The following FRMD6 variants were observed in gnomAD, a reference collection of about 807,000 sequenced individuals.
FRMD6 encodes FERM domain-containing protein 6.
FRMD6 carries 37 observed loss-of-function variants against 73.2 expected under a neutral mutation model. That is an observed-to-expected ratio of 0.51 (90% CI 0.39 to 0.66). FRMD6 has a LOEUF of 0.66. Ranked by LOEUF, FRMD6 falls within the 30% of genes least tolerant of loss-of-function variation. FRMD6 has a pLI of 0.00. For missense variants in FRMD6, 714 were observed against 780.5 expected (o/e 0.91, Z 1.02); for synonymous variants, 273 against 282.2 (o/e 0.97, Z 0.33).
chr14:51,464,344 T>C, the FRMD6 span, among the ~76,000 whole-genome samples: 1 of 151,256 alleles, frequency 6.6e-6, no homozygotes. Context: ...CATTTACCTA[T>C]GTAAGAAACC....
At chr14:51,533,948 C>G (rs1885741549) in intron 1 of FRMD6, among the ~76,000 whole-genome samples, 1 of 152,134 alleles carries the variant, frequency 6.6e-6, no homozygotes, top group Admixed American at 6.5e-5. Context: ...TATAGTAAGA[C>G]CAATAGGAAG....
the FRMD6 span, among the ~76,000 whole-genome samples, chr14:51,470,510 A>AAC: frequency 9.7e-4 from 101 of 103,766 alleles, no homozygotes; most frequent in African/African-American, 3.0e-3. Context: ...AAAAAAAACC[A>AAC]AAAAAAAACC....
chr14:51,417,297 T>C, the FRMD6 span, among the ~76,000 whole-genome samples: 1 of 152,354 alleles, frequency 6.6e-6, no homozygotes, highest in Non-Finnish European at 1.5e-5. Context: ...GTACCGGTTG[T>C]TCCTTTCCAT....
the FRMD6 span, among the ~76,000 whole-genome samples, chr14:51,423,952 C>G: frequency 6.6e-6 from 1 of 152,080 alleles, no homozygotes; most frequent in Non-Finnish European, 1.5e-5. Flanking sequence ...ATGTCTACAA[C>G]CTTGAGAAAG....
chr14:51,598,462 G>C (rs944527843), intron 2 of FRMD6, among the ~76,000 whole-genome samples: 1 of 152,128 alleles, frequency 6.6e-6, no homozygotes, highest in Admixed American at 6.5e-5. Flanking sequence ...TTGTTAAGTA[G>C]GCATATTGTG....
chr14:51,631,421 T>C (rs1017916499), intron 2 of FRMD6, among the ~76,000 whole-genome samples: 1 of 152,212 alleles, frequency 6.6e-6, no homozygotes, highest in African/African-American at 2.4e-5. Context: ...TAAATGTTTA[T>C]ATGGTCATCG....
intron 2 of FRMD6, among the ~76,000 whole-genome samples, chr14:51,619,409 G>A (rs1256170863): frequency 6.6e-6 from 1 of 151,666 alleles, no homozygotes; most frequent in African/African-American, 2.4e-5. Flanking sequence ...AGGAAAAGAA[G>A]AAGAAAGGTC....
At chr14:51,706,677 C>T (rs1044120499) in intron 6 of FRMD6, among the ~76,000 whole-genome samples, 9 of 151,998 alleles carry the variant, frequency 5.9e-5, no homozygotes, top group Admixed American at 4.6e-4. Flanking sequence ...GCCCAGGTGT[C>T]GCTCCTTCTG....
intron 9 of FRMD6, 134 bp downstream of exon 9, chr14:51,712,685 CTG>C: frequency 1.6e-6 from 1 of 639,906 alleles, no homozygotes; most frequent in South Asian, 2.0e-5. Flanking sequence ...GAAGTTGACA[CTG>C]AAGATAATTT....
intron 2 of FRMD6, among the ~76,000 whole-genome samples, chr14:51,646,439 C>T (rs1487571991): frequency 6.6e-6 from 1 of 151,304 alleles, no homozygotes; most frequent in Non-Finnish European, 1.5e-5. Flanking sequence ...ATAATCAGAG[C>T]GTGCCTGAGA....
chr14:51,562,942 G>A (rs1220211503), intron 1 of FRMD6, among the ~76,000 whole-genome samples: 1 of 152,210 alleles, frequency 6.6e-6, no homozygotes, highest in Non-Finnish European at 1.5e-5. Context: ...CAACGTCTGG[G>A]ACCTCAGCTA....
intron 2 of FRMD6, among the ~76,000 whole-genome samples, chr14:51,592,953 T>A (rs1889479309): frequency 6.6e-6 from 1 of 152,226 alleles, no homozygotes; most frequent in African/African-American, 2.4e-5. Context: ...TAGCACCTAT[T>A]TTTAAGGCTT....
At chr14:51,691,530 A>G (rs896601683) in intron 2 of FRMD6, among the ~76,000 whole-genome samples, 4 of 150,778 alleles carry the variant, frequency 2.7e-5, no homozygotes, top group African/African-American at 9.7e-5. Flanking sequence ...GCCTTAGTGC[A>G]TGACTTGAAT....
intron 1 of FRMD6, among the ~76,000 whole-genome samples, chr14:51,563,205 C>T (rs761615959): frequency 6.6e-6 from 1 of 152,222 alleles, no homozygotes; most frequent in Non-Finnish European, 1.5e-5. Flanking sequence ...TAGCCTCATA[C>T]AGCATCATTT....
the FRMD6 span, chr14:51,436,548 A>C: frequency 1.5e-6 from 1 of 665,582 alleles, no homozygotes; most frequent in Non-Finnish European, 2.6e-6. Flanking sequence ...CACTGAAATC[A>C]AATGGAAATC....
At chr14:51,679,247 G>A (rs1281545004) in intron 1 of FRMD6, among the ~76,000 whole-genome samples, 1 of 151,456 alleles carries the variant, frequency 6.6e-6, no homozygotes, top group Non-Finnish European at 1.5e-5. Context: ...AAAAAGGCTA[G>A]ACAAAAGGAA....
At chr14:51,411,342 C>G in the FRMD6 span, among the ~76,000 whole-genome samples, 1 of 152,074 alleles carries the variant, frequency 6.6e-6, no homozygotes, top group African/African-American at 2.4e-5. Flanking sequence ...GGGGAATATT[C>G]ACCAAAAAAG....
intron 1 of FRMD6, among the ~76,000 whole-genome samples, chr14:51,685,187 G>C (rs1013440517): frequency 6.6e-6 from 1 of 152,212 alleles, no homozygotes. Flanking sequence ...AACAGTAAGT[G>C]AGTCTTGGCA....
intron 2 of FRMD6, among the ~76,000 whole-genome samples, chr14:51,604,967 T>C (rs1415311591): frequency 6.6e-6 from 1 of 152,142 alleles, no homozygotes; most frequent in African/African-American, 2.4e-5. Flanking sequence ...TGAAGTGTAA[T>C]GGCCTATGCG....
Sources: allele counts gnomAD v4.1 joint callset (sites outside exome capture counted in the v4.1 genomes callset), GRCh38; gene constraint gnomAD v4.1.1; transcripts MANE v1.5; gene names NCBI Gene and HGNC (gene_info 2026-07-23, HGNC 2026-07-21).